SUCLG2: variants seen among roughly 807,000 people sequenced by gnomAD.
SUCLG2 encodes the protein succinate--CoA ligase [GDP-forming] subunit beta, mitochondrial.
Under a neutral mutation model 47.9 loss-of-function variants are expected in SUCLG2, and 42 were observed. The ratio of observed to expected loss-of-function variants is 0.88; its 90% CI spans 0.69 to 1.14. The LOEUF is 1.14. Among genes scored for constraint, SUCLG2 ranks in the 50% most tolerant of loss-of-function variants. SUCLG2 has a pLI of 0.00. For missense variants in SUCLG2, 571 were observed against 525.9 expected (o/e 1.09, Z -0.84); for synonymous variants, 195 against 197.3 (o/e 0.99, Z 0.10).
intron 9 of SUCLG2, among the ~76,000 whole-genome samples, chr3:67,448,117 A>C (rs973110696): frequency 6.6e-5 from 10 of 152,238 alleles, no homozygotes; most frequent in African/African-American, 2.4e-4. Context: ...TCAGAAATAC[A>C]AAAGTTCATA....
intron 9 of SUCLG2, among the ~76,000 whole-genome samples, chr3:67,465,536 T>C (rs1361726497): frequency 6.6e-6 from 1 of 152,204 alleles, no homozygotes; most frequent in Non-Finnish European, 1.5e-5. Flanking sequence ...GTCCTGAGAA[T>C]GCACCTCACA....
At chr3:67,556,228 C>T (rs1263543293) in intron 2 of SUCLG2, among the ~76,000 whole-genome samples, 1 of 152,156 alleles carries the variant, frequency 6.6e-6, no homozygotes, top group Non-Finnish European at 1.5e-5. Context: ...GAAGGACAAT[C>T]GCCACTGGGA....
downstream of SUCLG2, among the ~76,000 whole-genome samples, chr3:67,372,827 TTTTA>T (rs1701972182): frequency 6.6e-6 from 1 of 152,192 alleles, no homozygotes; most frequent in South Asian, 2.1e-4. Context: ...TGTTGTATTT[TTTTA>T]TTTATCTAGA....
chr3:67,427,176 CTCT>C (rs1703324376), intron 9 of SUCLG2, among the ~76,000 whole-genome samples: 1 of 152,178 alleles, frequency 6.6e-6, no homozygotes, highest in African/African-American at 2.4e-5. Flanking sequence ...TATGTTATCA[CTCT>C]TCTTTTTTTA....
rs867472868 is a variant in SUCLG2 at position 67,575,414 on chromosome 3, G to A, written c.226+34041C>T. Among the ~76,000 whole-genome samples the A allele has an allele frequency of 2.2e-4, 34 of 152,118 alleles. 1 individual carries two copies. Among genetic ancestry groups the A allele is most frequent in the African/African-American group, 7.2e-4 (30 of 41,412 alleles). On this transcript the variant is annotated intron_variant, in intron 2 of 10. Transcript: ENST00000307227. Reference sequence around the variant, plus strand: ...AAGAACCTCAAAAACAGTATGCTATGAAGCCAGATACAAAGAGCCACATAT... The same window carrying A: ...AAGAACCTCAAAAACAGTATGCTATAAAGCCAGATACAAAGAGCCACATAT...
chr3:67,566,435 C>A (rs1372592185), intron 2 of SUCLG2, among the ~76,000 whole-genome samples: 1 of 151,990 alleles, frequency 6.6e-6, no homozygotes, highest in Non-Finnish European at 1.5e-5. Flanking sequence ...AAAGTATAAT[C>A]AAAATTTTGT....
chr3:67,473,212 T>C (rs1401898556), intron 9 of SUCLG2, among the ~76,000 whole-genome samples: 1 of 152,124 alleles, frequency 6.6e-6, no homozygotes, highest in Admixed American at 6.5e-5. Flanking sequence ...AGGGTCTTAC[T>C]CCAGTTGCCC....
At chr3:67,620,840 G>C (rs1185621566) in intron 1 of SUCLG2, among the ~76,000 whole-genome samples, 2 of 152,162 alleles carry the variant, frequency 1.3e-5, no homozygotes, top group Admixed American at 1.3e-4. Flanking sequence ...TGACAGAGGA[G>C]CATGAAAATG....
At chr3:67,526,949 G>T (rs563092136) in intron 4 of SUCLG2, among the ~76,000 whole-genome samples, 122 of 152,266 alleles carry the variant, frequency 8.0e-4, no homozygotes, top group African/African-American at 2.8e-3. Flanking sequence ...ACAGATGATG[G>T]TTAAACAAAC....
chr3:67,448,801 CTA>C (rs1703988452), intron 9 of SUCLG2, among the ~76,000 whole-genome samples: 1 of 152,092 alleles, frequency 6.6e-6, no homozygotes, highest in African/African-American at 2.4e-5. Flanking sequence ...TGAAAAAACA[CTA>C]TTTCTGAATC....
intron 9 of SUCLG2, among the ~76,000 whole-genome samples, chr3:67,425,950 G>A (rs781295117): frequency 5.9e-5 from 9 of 152,124 alleles, no homozygotes; most frequent in Admixed American, 2.6e-4. Context: ...GGATTTTAAT[G>A]TACAGTTAGA....
chr3:67,385,825 G>T (rs1275441705), intron 10 of SUCLG2, among the ~76,000 whole-genome samples: 1 of 152,196 alleles, frequency 6.6e-6, no homozygotes, highest in African/African-American at 2.4e-5. Flanking sequence ...AGGTGGAAAA[G>T]GATCTGTTGG....
At chr3:67,510,924 C>T (rs1419915560) in intron 6 of SUCLG2, among the ~76,000 whole-genome samples, 1 of 139,656 alleles carries the variant, frequency 7.2e-6, no homozygotes, top group Non-Finnish European at 1.5e-5. Context: ...CCGAGACTTG[C>T]AGTGTTGCCA....
rs548881245 is a variant in SUCLG2, at chr3:67,413,762, C to T, written c.1063-12911G>A. Among the ~76,000 whole-genome samples, 7 of 152,298 alleles carry T rather than the reference C, an allele frequency of 4.6e-5. No homozygotes were observed. In the East Asian group the frequency reaches 5.8e-4, roughly 13 times the overall value. On this transcript the variant is annotated intron_variant, in intron 9 of 10. Coordinates refer to ENST00000307227, the MANE Select transcript of SUCLG2 (RefSeq NM_003848.4). ...ACACACACAGTACCTAAGTCCACAA[C>T]GTAGACAAGCATTTGCTTTCCAGAT...
chr3:67,494,618 C>T (rs1013295322), intron 9 of SUCLG2, among the ~76,000 whole-genome samples: 1 of 151,892 alleles, frequency 6.6e-6, no homozygotes, highest in African/African-American at 2.4e-5. Context: ...AGAACGAGAC[C>T]CTGTCTCTAA....
intron 2 of SUCLG2, among the ~76,000 whole-genome samples, chr3:67,603,720 G>T (rs1708471168): frequency 6.6e-6 from 1 of 152,142 alleles, no homozygotes; most frequent in Admixed American, 6.5e-5. Flanking sequence ...TCTAAAAACT[G>T]AAAGATAGTG....
chr3:67,643,927 TG>T (rs1195998679), intron 1 of SUCLG2, among the ~76,000 whole-genome samples: 2 of 152,218 alleles, frequency 1.3e-5, no homozygotes, highest in African/African-American at 4.8e-5. Context: ...TCCACCCACC[TG>T]GGCCTCACAA....
intron 1 of SUCLG2, among the ~76,000 whole-genome samples, chr3:67,647,923 T>C (rs1376028): frequency 0.36 from 55,490 of 152,052 alleles, 10,476 homozygotes; most frequent in African/African-American, 0.42. Context: ...CAGTGACTAA[T>C]CCTGAGATGG....
chr3:67,510,263 C>T (rs762033416), intron 6 of SUCLG2, among the ~76,000 whole-genome samples: 1 of 152,134 alleles, frequency 6.6e-6, no homozygotes, highest in Non-Finnish European at 1.5e-5. Flanking sequence ...CTGAAGAACT[C>T]CAGATTTAAT....
Sources: allele counts gnomAD v4.1 joint callset (sites outside exome capture counted in the v4.1 genomes callset), GRCh38; gene constraint gnomAD v4.1.1; transcripts MANE v1.5; gene names NCBI Gene and HGNC (gene_info 2026-07-23, HGNC 2026-07-21).